The following HDAC9 variants were observed in gnomAD, a reference collection of about 807,000 sequenced individuals.
The protein encoded by HDAC9 is MEF-2 interacting transcription repressor (MITR) protein.
HDAC9 carries 41 observed loss-of-function variants against 139.4 expected under a neutral mutation model. The ratio of observed to expected loss-of-function variants is 0.29; its 90% CI spans 0.23 to 0.38. The LOEUF (loss-of-function observed/expected upper bound fraction) is 0.38, where lower values mean the gene tolerates loss of function less well. HDAC9 is among the 10% of genes least tolerant of loss of function. The pLI, the probability that HDAC9 is intolerant of heterozygous loss-of-function variation, is 1.00. For synonymous variants in HDAC9, 517 were observed against 476.2 expected (o/e 1.09, Z -1.12); for missense variants, 1,147 against 1,297.0 (o/e 0.88, Z 1.78).
intron 22 of HDAC9, chr7:18,892,705 A>C (rs946937763): frequency 3.3e-5 from 5 of 152,112 alleles, no homozygotes; most frequent in African/African-American, 1.2e-4. Context: ...TGCTTTATTA[A>C]AGGATAATTT....
chr7:18,854,039 G>T (rs1171054975), intron 21 of HDAC9, among the ~76,000 whole-genome samples: 1 of 152,104 alleles, frequency 6.6e-6, no homozygotes, highest in African/African-American at 2.4e-5. Flanking sequence ...AATTCCTCTA[G>T]TATAAATAAA....
intron 1 of HDAC9, among the ~76,000 whole-genome samples, chr7:18,356,123 AAG>A (rs1783245741): frequency 6.6e-6 from 1 of 152,070 alleles, no homozygotes; most frequent in African/African-American, 2.4e-5. Context: ...AAAACTAAAA[AAG>A]AAAAAAAGGA....
At chr7:18,319,350 G>C (rs1160693695) in intron 1 of HDAC9, among the ~76,000 whole-genome samples, 1 of 152,104 alleles carries the variant, frequency 6.6e-6, no homozygotes, top group Non-Finnish European at 1.5e-5. Context: ...CCAAAATGCA[G>C]TTTAAAATTA....
chr7:18,947,361 C>G (rs1782476666), intron 23 of HDAC9, among the ~76,000 whole-genome samples: 1 of 151,830 alleles, frequency 6.6e-6, no homozygotes, highest in South Asian at 2.1e-4. Flanking sequence ...TCTAGTAAGA[C>G]TGACCAACAA....
rs926949602 is a variant in HDAC9, at chr7:19,001,036, T to C, written c.*4974T>C. On this transcript the variant is annotated 3_prime_UTR_variant, in exon 26 of 26. Coordinates refer to ENST00000686413, the MANE Select transcript of HDAC9 (RefSeq NM_178425.4). ...TATTCTTAAAAGATAGATTTAGTTA[T>C]TGTATTTTGGTCTACAATTTTGGAC... 9 of 152,220 alleles carry C rather than the reference T, an allele frequency of 5.9e-5. No homozygotes were observed. Among genetic ancestry groups the C allele is most frequent in the African/African-American group, 2.2e-4 (9 of 41,466 alleles). 9.4% of individuals were successfully genotyped at this position (152,220 alleles called of 1,614,324 possible).
chr7:18,975,708 T>G (rs1784506457), intron 24 of HDAC9, 98 bp from the exon 25 acceptor site: 27 of 1,184,448 alleles, frequency 2.3e-5, no homozygotes, highest in Non-Finnish European at 3.1e-5. Flanking sequence ...ATGGGGAATT[T>G]TAACTTAACA....
rs1785540838 is a variant in HDAC9 at position 18,988,238 on chromosome 7, T to A, written c.3171-7785T>A. On this transcript the variant is annotated intron_variant, in intron 25 of 25. Transcript: ENST00000686413. ...TTCCTCTACATACTGCTTTGAATGC[T>A]TCCCAGAGATTCGGGTATGTTGTGT... Among the ~76,000 whole-genome samples the A allele has an allele frequency of 5.3e-5, 8 of 152,168 alleles. No homozygotes were observed. The South Asian group carries it at 1.7e-3, about 32-fold the overall frequency.
chr7:18,703,744 C>A (rs1472795949), intron 12 of HDAC9, among the ~76,000 whole-genome samples: 1 of 151,052 alleles, frequency 6.6e-6, no homozygotes, highest in Non-Finnish European at 1.5e-5. Flanking sequence ...CCTCTCCTTC[C>A]AGAAATAACC....
At chr7:18,366,095 A>G (rs1784158467) in intron 1 of HDAC9, among the ~76,000 whole-genome samples, 1 of 138,346 alleles carries the variant, frequency 7.2e-6, no homozygotes, top group South Asian at 2.3e-4. Context: ...ATTTGAAAAA[A>G]TTCCCCACTG....
intron 2 of HDAC9, among the ~76,000 whole-genome samples, chr7:18,537,257 A>G (rs1027566749): frequency 2.0e-5 from 3 of 152,226 alleles, no homozygotes; most frequent in East Asian, 3.8e-4. Context: ...TGCCAGGAGA[A>G]TGGAAGAAAC....
intron 12 of HDAC9, among the ~76,000 whole-genome samples, chr7:18,707,171 C>T (rs1584884963): frequency 6.6e-6 from 1 of 152,256 alleles, no homozygotes; most frequent in African/African-American, 2.4e-5. Flanking sequence ...GGCGTGGAAG[C>T]CAGTGAAGGA....
intron 1 of HDAC9, among the ~76,000 whole-genome samples, chr7:18,353,034 T>C (rs564437313): frequency 6.6e-6 from 1 of 152,298 alleles, no homozygotes; most frequent in African/African-American, 2.4e-5. Context: ...TGTCATAGCA[T>C]CTAAGGTTTC....
intron 22 of HDAC9, among the ~76,000 whole-genome samples, chr7:18,897,990 A>G (rs909150390): frequency 1.3e-5 from 2 of 151,770 alleles, no homozygotes; most frequent in East Asian, 1.9e-4. Context: ...GAACAAATAC[A>G]TTTTTGTATA....
intron 2 of HDAC9, among the ~76,000 whole-genome samples, chr7:18,279,699 C>G (rs1005953128): frequency 6.6e-6 from 1 of 151,948 alleles, no homozygotes; most frequent in East Asian, 1.9e-4. Context: ...CTCCTGACCT[C>G]GTGATCCACC....
chr7:18,565,498 TG>T (rs1337985027), intron 2 of HDAC9, among the ~76,000 whole-genome samples: 1 of 152,152 alleles, frequency 6.6e-6, no homozygotes, highest in Non-Finnish European at 1.5e-5. Context: ...CATTGTTAGT[TG>T]GGCCAGCATA....
chr7:18,967,506 C>G (rs866357037), intron 24 of HDAC9, among the ~76,000 whole-genome samples: 1 of 119,226 alleles, frequency 8.4e-6, no homozygotes, highest in African/African-American at 3.3e-5. Context: ...GCCCCCCCCC[C>G]AAAAAAAAAA....
chr7:18,583,572 C>T (rs1451871454), intron 2 of HDAC9, among the ~76,000 whole-genome samples: 2 of 143,990 alleles, frequency 1.4e-5, no homozygotes, highest in African/African-American at 4.9e-5. Flanking sequence ...TGCCCTGACC[C>T]CAGCTATAAA....
intron 2 of HDAC9, among the ~76,000 whole-genome samples, chr7:18,505,481 T>C (rs1799510692): frequency 1.3e-5 from 2 of 152,218 alleles, no homozygotes; most frequent in African/African-American, 2.4e-5. Context: ...ATTCAGTTTC[T>C]ACTTATTTTG....
intron 12 of HDAC9, among the ~76,000 whole-genome samples, chr7:18,694,706 G>T (rs1328859008): frequency 6.6e-6 from 1 of 152,098 alleles, no homozygotes; most frequent in Non-Finnish European, 1.5e-5. Context: ...TTTCTCTGTG[G>T]TGTCCTGGAG....
Sources: allele counts gnomAD v4.1 joint callset (sites outside exome capture counted in the v4.1 genomes callset), GRCh38; gene constraint gnomAD v4.1.1; transcripts MANE v1.5; gene names NCBI Gene and HGNC (gene_info 2026-07-23, HGNC 2026-07-21).